The following DPP6 variants were observed in gnomAD, a reference collection of about 807,000 sequenced individuals.
The protein encoded by DPP6 is dipeptidyl peptidase like 6.
In DPP6, 69 loss-of-function variants were observed where a neutral mutation model predicts 122.6. That is an observed-to-expected ratio of 0.56 (90% confidence interval 0.46 to 0.69). The LOEUF (loss-of-function observed/expected upper bound fraction) is 0.69. DPP6 is among the 30% of genes least tolerant of loss of function. The pLI, the probability that DPP6 is intolerant of heterozygous loss-of-function variation, is 0.00. For synonymous variants in DPP6, 418 were observed against 433.1 expected (o/e 0.97, Z 0.43); for missense variants, 928 against 1,116.9 (o/e 0.83, Z 2.41).
At chr7:154,187,781 G>A (rs2150758661) in intron 1 of DPP6, among the ~76,000 whole-genome samples, 1 of 152,028 alleles carries the variant, frequency 6.6e-6, no homozygotes, top group East Asian at 1.9e-4. Context: ...AGAGGGTGTA[G>A]ATGAAATCAG....
At chr7:154,035,620 T>A (rs1207507422) in intron 1 of DPP6, among the ~76,000 whole-genome samples, 1 of 151,878 alleles carries the variant, frequency 6.6e-6, no homozygotes, top group Non-Finnish European at 1.5e-5. Flanking sequence ...TAGCCCAGCA[T>A]CATGCTTTTA....
intron 1 of DPP6, among the ~76,000 whole-genome samples, chr7:154,268,615 G>T (rs990960125): frequency 6.6e-6 from 1 of 152,152 alleles, no homozygotes; most frequent in African/African-American, 2.4e-5. Flanking sequence ...AGACCACAGT[G>T]ACAGCCTACA....
intron 3 of DPP6, among the ~76,000 whole-genome samples, chr7:154,513,520 C>T (rs1472699969): frequency 6.6e-6 from 1 of 152,148 alleles, no homozygotes; most frequent in African/African-American, 2.4e-5. Flanking sequence ...CTACATCCCT[C>T]CTTCATGGGG....
At chr7:153,771,742 T>C in the DPP6 span, among the ~76,000 whole-genome samples, 528 of 152,222 alleles carry the variant, frequency 3.5e-3, 5 homozygotes, top group African/African-American at 0.012. Context: ...ATAAAGACTT[T>C]GTTAGACAAA....
In DPP6 at chr7:154,734,065, C is replaced by T. The variant is rs144823715; in HGVS notation, c.883+6178C>T. ...TTCAGTGAATAGCGGCAGCCTTGGA[C>T]GGTTCGACGCAGATGAAGAAAATCT... On this transcript the variant is annotated intron_variant, in intron 8 of 25. Transcript: ENST00000377770. Among the ~76,000 whole-genome samples the T allele has an allele frequency of 4.8e-3, 738 of 152,332 alleles. 4 individuals are homozygous for T. Among genetic ancestry groups the T allele is most frequent in the Admixed American group, 8.4e-3 (129 of 15,308 alleles).
intron 10 of DPP6, among the ~76,000 whole-genome samples, chr7:154,789,298 G>T (rs749960982): frequency 5.3e-5 from 8 of 152,120 alleles, no homozygotes; most frequent in Non-Finnish European, 1.2e-4. Flanking sequence ...TAGTACACAT[G>T]GAAAATTACA....
At chr7:153,786,209 A>G in the DPP6 span, among the ~76,000 whole-genome samples, 1 of 151,380 alleles carries the variant, frequency 6.6e-6, no homozygotes, top group Non-Finnish European at 1.5e-5. Context: ...TCTCTTTTAC[A>G]ATATTTATAT....
intron 1 of DPP6, among the ~76,000 whole-genome samples, chr7:153,993,340 T>G (rs186835420): frequency 9.6e-4 from 146 of 152,350 alleles, no homozygotes; most frequent in Non-Finnish European, 1.2e-4. Context: ...CCCCTGTGTC[T>G]TCTTCAAAGT....
intron 1 of DPP6, among the ~76,000 whole-genome samples, chr7:154,286,630 G>A (rs969625465): frequency 1.3e-5 from 2 of 152,060 alleles, no homozygotes; most frequent in Non-Finnish European, 2.9e-5. Context: ...GACATCAGGT[G>A]GCTCCATTCC....
intron 1 of DPP6, among the ~76,000 whole-genome samples, chr7:154,188,133 C>T (rs1045250729): frequency 2.6e-5 from 4 of 152,022 alleles, no homozygotes; most frequent in Non-Finnish European, 1.5e-5. Flanking sequence ...GAGTGGAAGG[C>T]AGCACCTCAG....
chr7:154,660,358 C>G (rs1335174221), intron 6 of DPP6, among the ~76,000 whole-genome samples: 2 of 144,690 alleles, frequency 1.4e-5, no homozygotes, highest in African/African-American at 5.5e-5. Context: ...GCGTATTGGC[C>G]GTAGTGTTCA....
At chr7:154,505,493 G>A (rs10952490) in intron 3 of DPP6, among the ~76,000 whole-genome samples, 34,438 of 152,162 alleles carry the variant, frequency 0.23, 3,995 homozygotes, top group Middle Eastern at 0.32. Context: ...ACACCGCAGT[G>A]CATCTCTTTC....
At chr7:154,113,714 T>A (rs1338336897) in intron 1 of DPP6, among the ~76,000 whole-genome samples, 1 of 152,220 alleles carries the variant, frequency 6.6e-6, no homozygotes, top group East Asian at 1.9e-4. Flanking sequence ...AGTTTTACAA[T>A]GTCAGGTATT....
intron 1 of DPP6, among the ~76,000 whole-genome samples, chr7:154,138,984 T>A (rs551653797): frequency 5.9e-4 from 90 of 152,222 alleles, no homozygotes; most frequent in African/African-American, 2.1e-3. Context: ...TTACTGTGAA[T>A]CCATTTATGC....
At chr7:154,805,385 T>C (rs565106980) in intron 15 of DPP6, among the ~76,000 whole-genome samples, 2 of 152,146 alleles carry the variant, frequency 1.3e-5, no homozygotes, top group Non-Finnish European at 2.9e-5. Flanking sequence ...CTGTCCGGCA[T>C]TGTAGCTCAC....
intron 1 of DPP6, among the ~76,000 whole-genome samples, chr7:154,021,018 C>T (rs745952212): frequency 2.0e-4 from 30 of 152,194 alleles, no homozygotes; most frequent in African/African-American, 6.0e-4. Flanking sequence ...ATGTGGGAAA[C>T]GCCAGGCAGA....
chr7:154,451,905 A>G (rs1316491778), intron 2 of DPP6, among the ~76,000 whole-genome samples: 2 of 152,228 alleles, frequency 1.3e-5, no homozygotes, highest in African/African-American at 2.4e-5. Flanking sequence ...ACAGGGCTGC[A>G]CAGCAAATGT....
chr7:153,833,669 G>T, the DPP6 span, among the ~76,000 whole-genome samples: 2 of 150,156 alleles, frequency 1.3e-5, no homozygotes, highest in African/African-American at 4.9e-5. Flanking sequence ...GCAAGACTCT[G>T]TCTCAAAAAA....
chr7:154,150,898 C>T (rs1346089285), intron 1 of DPP6, among the ~76,000 whole-genome samples: 1 of 152,230 alleles, frequency 6.6e-6, no homozygotes, highest in Non-Finnish European at 1.5e-5. Flanking sequence ...TTCCTCCCCA[C>T]TCTCCTCTTA....
Sources: allele counts gnomAD v4.1 joint callset (sites outside exome capture counted in the v4.1 genomes callset), GRCh38; gene constraint gnomAD v4.1.1; transcripts MANE v1.5; gene names NCBI Gene and HGNC (gene_info 2026-07-23, HGNC 2026-07-21).